Variants in GYS2 observed in about 807,000 individuals in gnomAD.
GYS2 encodes the protein glycogen synthase 2.
Under a neutral mutation model 85.6 loss-of-function variants are expected in GYS2, and 80 were observed. The observed-to-expected ratio is 0.93, with a 90% CI of 0.78 to 1.13. The LOEUF (loss-of-function observed/expected upper bound fraction) is 1.13, where lower values mean the gene tolerates loss of function less well. GYS2 is among the 50% of genes most tolerant of loss of function. GYS2 has a pLI of 0.00. For synonymous variants in GYS2, 328 were observed against 300.7 expected (o/e 1.09, Z -0.94); for missense variants, 881 against 854.9 (o/e 1.03, Z -0.38).
intron 4 of GYS2, among the ~76,000 whole-genome samples, chr12:21,569,795 G>A (rs1166576753): frequency 3.3e-5 from 5 of 152,156 alleles, no homozygotes; most frequent in Non-Finnish European, 7.3e-5. Flanking sequence ...TAGCTCTTCA[G>A]CACTAGTGTC....
intron 3 of GYS2, among the ~76,000 whole-genome samples, chr12:21,575,269 G>A (rs957846072): frequency 6.6e-6 from 1 of 152,004 alleles, no homozygotes; most frequent in Non-Finnish European, 1.5e-5. Flanking sequence ...TCCACCCCAG[G>A]GTCTAGTTCC....
At chr12:21,543,496 C>T (rs541118151) in intron 12 of GYS2, among the ~76,000 whole-genome samples, 1 of 152,232 alleles carries the variant, frequency 6.6e-6, no homozygotes, top group Admixed American at 6.5e-5. Flanking sequence ...TTAATTTTTA[C>T]ACACTTTTAT....
chr12:21,592,819 C>A (rs1035973396), intron 1 of GYS2, among the ~76,000 whole-genome samples: 3 of 151,996 alleles, frequency 2.0e-5, no homozygotes, highest in Admixed American at 6.5e-5. Context: ...CATCCAACAG[C>A]TACAGAATAT....
chr12:21,591,454 GA>G (rs55954667), intron 1 of GYS2, among the ~76,000 whole-genome samples: 20,146 of 150,340 alleles, frequency 0.13, 1,447 homozygotes, highest in African/African-American at 0.14. Context: ...TGATAGAAAG[GA>G]AAAAAAAAGA....
At chr12:21,583,578 G>A (rs976270193) in intron 1 of GYS2, among the ~76,000 whole-genome samples, 1 of 152,204 alleles carries the variant, frequency 6.6e-6, no homozygotes, top group Non-Finnish European at 1.5e-5. Flanking sequence ...GCCAGATAGG[G>A]ATGCTGTTTG....
At position 21,542,671 on chromosome 12, in the gene GYS2, T is replaced by C. The variant is rs921921824; in HGVS notation, c.1550-80A>G. 15 of 842,180 alleles carry C rather than the reference T, an allele frequency of 1.8e-5. No individual in the cohort carries two copies. In the African/African-American group the frequency reaches 2.2e-4, roughly 12 times the overall value. The allele number at this position is 842,180 out of a possible 1,614,324, so 52.2% of individuals were successfully genotyped here. The stretch of plus-strand genomic sequence containing the variant: ...ATGCACTCAGAGGAGGAAAAGGCCC[T>C]AGTCCTCCTAAGAATAGCAATGTTC... On this transcript the variant is annotated intron_variant, in intron 12 of 15. Coordinates refer to ENST00000261195, the MANE Select transcript of GYS2 (RefSeq NM_021957.4).
intron 1 of GYS2, among the ~76,000 whole-genome samples, chr12:21,587,294 C>G (rs912102795): frequency 5.3e-5 from 8 of 152,180 alleles, no homozygotes; most frequent in Admixed American, 5.2e-4. Flanking sequence ...CACTATGCAA[C>G]ATACATATGT....
At chr12:21,550,660 G>C (rs1166983496) in intron 11 of GYS2, among the ~76,000 whole-genome samples, 2 of 152,196 alleles carry the variant, frequency 1.3e-5, no homozygotes, top group African/African-American at 4.8e-5. Context: ...AAGGAGACAG[G>C]CCGGGTACCG....
At chr12:21,593,604 A>T (rs1048294039) in intron 1 of GYS2, among the ~76,000 whole-genome samples, 1 of 152,038 alleles carries the variant, frequency 6.6e-6, no homozygotes, top group African/African-American at 2.4e-5. Context: ...GTAATGAATA[A>T]TGAAATTGAA....
intron 11 of GYS2, among the ~76,000 whole-genome samples, chr12:21,550,057 G>A (rs1389633421): frequency 6.6e-6 from 1 of 151,986 alleles, no homozygotes; most frequent in Non-Finnish European, 1.5e-5. Flanking sequence ...TTTGGCCAGT[G>A]GGAGCTCCTT....
chr12:21,568,611 C>G (rs1944350221), intron 5 of GYS2, among the ~76,000 whole-genome samples: 1 of 152,190 alleles, frequency 6.6e-6, no homozygotes, highest in Admixed American at 6.5e-5. Flanking sequence ...CAACCCAGGT[C>G]ATACCAAGGT....
At chr12:21,574,748 T>A (rs1358322357) in intron 3 of GYS2, among the ~76,000 whole-genome samples, 1 of 151,922 alleles carries the variant, frequency 6.6e-6, no homozygotes, top group Non-Finnish European at 1.5e-5. Context: ...ACTACTTAAA[T>A]TTTTTTTAAT....
intron 15 of GYS2, among the ~76,000 whole-genome samples, chr12:21,538,183 G>C (rs1283545523): frequency 6.6e-6 from 1 of 152,168 alleles, no homozygotes; most frequent in Non-Finnish European, 1.5e-5. Flanking sequence ...AACTCTGAAT[G>C]CTAGAATCAT....
At chr12:21,585,667 C>G (rs574453513) in intron 1 of GYS2, among the ~76,000 whole-genome samples, 1 of 151,940 alleles carries the variant, frequency 6.6e-6, no homozygotes, top group South Asian at 2.1e-4. Context: ...GCTACGATCA[C>G]GTGACCAATT....
At chr12:21,582,712 C>T (rs1304134201) in intron 1 of GYS2, among the ~76,000 whole-genome samples, 2 of 151,994 alleles carry the variant, frequency 1.3e-5, no homozygotes, top group Non-Finnish European at 2.9e-5. Flanking sequence ...TCTAGAGGAA[C>T]AGAATATTAA....
In GYS2 at chr12:21,574,160, T is replaced by C. The variant is rs1944417663; in HGVS notation, c.662A>G (p.Tyr221Cys). 1.2e-6 allele frequency: 2 copies of C among 1,611,952 alleles called. No individual in the cohort carries two copies. The highest frequency in any genetic ancestry group is 2.2e-5 in the South Asian group (2 of 91,020). ...RYLCAANIDF[Y>C]NHLDKFNIDK... ...AATATTTACCTTATCAAGATGGTTG[T>C]AGAAATCAATATTTGCTGCACAGAG... The change falls in exon 4 of 16, where the codon TAC becomes TGC. Residue 221 changes from tyrosine to cysteine, a missense_variant. Physicochemically the swap from Tyr to Cys is radical, Grantham distance 194. Coordinates refer to ENST00000261195, the MANE Select transcript of GYS2 (RefSeq NM_021957.4).
intron 1 of GYS2, among the ~76,000 whole-genome samples, chr12:21,596,015 A>C (rs1431749235): frequency 6.6e-6 from 1 of 152,172 alleles, no homozygotes; most frequent in Non-Finnish European, 1.5e-5. Flanking sequence ...AGCGCGTGGA[A>C]ATTTCTCCAA....
At chr12:21,595,536 C>T (rs957723963) in intron 1 of GYS2, among the ~76,000 whole-genome samples, 11 of 152,178 alleles carry the variant, frequency 7.2e-5, no homozygotes, top group Non-Finnish European at 8.8e-5. Context: ...CCTGAGCAGG[C>T]CATTCCTGCC....
At chr12:21,567,421 A>G (rs1013508131) in intron 5 of GYS2, among the ~76,000 whole-genome samples, 1 of 152,144 alleles carries the variant, frequency 6.6e-6, no homozygotes, top group Admixed American at 6.5e-5. Context: ...CAAAAGAAGA[A>G]TGAGAGTAAG....
Sources: gnomAD v4.1 joint callset for allele counts (sites outside exome capture counted in the v4.1 genomes callset) on GRCh38, gnomAD v4.1.1 for gene constraint, MANE v1.5 for transcripts, NCBI Gene and HGNC (gene_info 2026-07-23, HGNC 2026-07-21) for gene names.